Variants in SH2D4B observed in about 807,000 individuals in gnomAD.
SH2D4B encodes SH2 domain containing 4B, also known as SH2 domain-containing protein 4B.
In SH2D4B, 45 loss-of-function variants were observed where a neutral mutation model predicts 61.5. That is an observed-to-expected ratio of 0.73 (90% CI 0.58 to 0.94). SH2D4B has a LOEUF of 0.94. SH2D4B is among the 40% of genes least tolerant of loss of function. The pLI is 0.00. For synonymous variants in SH2D4B, 224 were observed against 220.4 expected (o/e 1.02, Z -0.14); for missense variants, 572 against 574.2 (o/e 1.00, Z 0.04).
At chr10:80,602,085 G>A (rs1842456391) in intron 4 of SH2D4B, among the ~76,000 whole-genome samples, 1 of 152,180 alleles carries the variant, frequency 6.6e-6, no homozygotes, top group South Asian at 2.1e-4. Context: ...CCAGGTCCCA[G>A]AACTCCCATT....
At chr10:80,599,278 A>C (rs565830246) in intron 4 of SH2D4B, among the ~76,000 whole-genome samples, 4 of 150,006 alleles carry the variant, frequency 2.7e-5, no homozygotes, top group African/African-American at 9.7e-5. Flanking sequence ...GGACAGCTGA[A>C]GGAGAAGACA....
At chr10:80,571,289 A>G in intron 2 of SH2D4B, 142 bp from the exon 3 acceptor site, 1 of 867,366 alleles carries the variant, frequency 1.2e-6, no homozygotes. Flanking sequence ...ATGCGTGAGA[A>G]TGCCTATTTC....
intron 7 of SH2D4B, among the ~76,000 whole-genome samples, chr10:80,635,701 C>G (rs1374266132): frequency 6.6e-6 from 1 of 152,206 alleles, no homozygotes; most frequent in Non-Finnish European, 1.5e-5. Flanking sequence ...TTGACACATT[C>G]TCTGTGTCAA....
At chr10:80,601,218 T>A (rs1043523638) in intron 4 of SH2D4B, among the ~76,000 whole-genome samples, 1 of 152,202 alleles carries the variant, frequency 6.6e-6, no homozygotes, top group African/African-American at 2.4e-5. Context: ...CTTTTCTTTC[T>A]CTGGAAAACT....
chr10:80,636,553 G>C (rs1457993021), intron 7 of SH2D4B, among the ~76,000 whole-genome samples: 1 of 152,210 alleles, frequency 6.6e-6, no homozygotes. Flanking sequence ...GACCAGTGAT[G>C]ATGAGCATTT....
rs1028953214 is a variant in SH2D4B, at chr10:80,608,261, T to C, written c.861-1163T>C. ...AAACAAAACCGCACATTGGTAACTA[T>C]GGATGGAATGGGTGAGGGACTGAAG... On this transcript the variant is annotated intron_variant, in intron 5 of 7. Coordinates refer to ENST00000646907, the MANE Select transcript of SH2D4B (RefSeq NM_001388272.1). Among the ~76,000 whole-genome samples the C allele has an allele frequency of 1.1e-4, 16 of 151,894 alleles. 2 individuals are homozygous for C. The highest frequency in any genetic ancestry group is 4.6e-4 in the Admixed American group (7 of 15,264).
intron 6 of SH2D4B, among the ~76,000 whole-genome samples, chr10:80,629,036 A>AAAAAAAG (rs142895629): frequency 0.016 from 2,330 of 144,782 alleles, 25 homozygotes; most frequent in African/African-American, 0.022. Flanking sequence ...TCTCAAAAAA[A>AAAAAAAG]AAAAAGAAAA....
intron 3 of SH2D4B, among the ~76,000 whole-genome samples, chr10:80,575,050 C>T (rs1220553855): frequency 1.3e-5 from 2 of 150,386 alleles, no homozygotes; most frequent in Non-Finnish European, 3.0e-5. Context: ...TATTTGGAAA[C>T]AGTATGTACC....
intron 1 of SH2D4B, among the ~76,000 whole-genome samples, chr10:80,546,964 C>G (rs1451529341): frequency 2.0e-5 from 3 of 152,146 alleles, no homozygotes; most frequent in Non-Finnish European, 4.4e-5. Context: ...TTGGTGTAAT[C>G]AAGGATGGTA....
At chr10:80,545,862 G>A (rs887654804) in intron 1 of SH2D4B, among the ~76,000 whole-genome samples, 30 of 152,158 alleles carry the variant, frequency 2.0e-4, no homozygotes, top group African/African-American at 7.2e-4. Context: ...CTCACTAAAA[G>A]TATAGAAATC....
At chr10:80,609,873 C>T (rs1265671020) in intron 6 of SH2D4B, among the ~76,000 whole-genome samples, 1 of 152,208 alleles carries the variant, frequency 6.6e-6, no homozygotes, top group African/African-American at 2.4e-5. Context: ...GCATGAGCTG[C>T]TGGTGGCTAG....
intron 6 of SH2D4B, among the ~76,000 whole-genome samples, chr10:80,632,473 T>A (rs1299621479): frequency 1.3e-5 from 2 of 152,290 alleles, no homozygotes; most frequent in South Asian, 4.1e-4. Flanking sequence ...TCGTATATAA[T>A]TTGACTGTAG....
chr10:80,546,034 TTCTC>T (rs1196253970), intron 1 of SH2D4B, among the ~76,000 whole-genome samples: 1 of 151,030 alleles, frequency 6.6e-6, no homozygotes, highest in Non-Finnish European at 1.5e-5. Context: ...CTTTCTTTCT[TTCTC>T]TCTCTTTCTT....
intron 4 of SH2D4B, among the ~76,000 whole-genome samples, chr10:80,597,977 A>C (rs917668659): frequency 6.6e-6 from 1 of 152,206 alleles, no homozygotes; most frequent in African/African-American, 2.4e-5. Flanking sequence ...TTCAGGATGA[A>C]AGAGGAGGCA....
At chr10:80,609,673 A>C in intron 6 of SH2D4B, 122 bp downstream of exon 6, 6 of 1,464,408 alleles carry the variant, frequency 4.1e-6, no homozygotes, top group Non-Finnish European at 5.6e-6. Context: ...AGCAATCTCC[A>C]TTCTGTCCCT....
At chr10:80,590,378 G>C (rs867142319) in intron 4 of SH2D4B, among the ~76,000 whole-genome samples, 1 of 152,276 alleles carries the variant, frequency 6.6e-6, no homozygotes, top group Middle Eastern at 3.4e-3. Context: ...TGCACTTGTG[G>C]GCAAGCCCTT....
intron 3 of SH2D4B, among the ~76,000 whole-genome samples, chr10:80,577,526 A>G (rs1227806710): frequency 6.6e-6 from 1 of 150,960 alleles, no homozygotes; most frequent in Non-Finnish European, 1.5e-5. Context: ...TCCCAGGTTC[A>G]TGCCATTCTC....
At chr10:80,610,904 C>T (rs1035242169) in intron 6 of SH2D4B, among the ~76,000 whole-genome samples, 1 of 152,182 alleles carries the variant, frequency 6.6e-6, no homozygotes, top group Non-Finnish European at 1.5e-5. Flanking sequence ...GGCGCAGTGG[C>T]TCACGCCTGT....
chr10:80,603,585 G>T lies in SH2D4B; in HGVS notation c.650G>T (p.Arg217Leu). 6.4e-7 allele frequency: 1 copy of T among 1,552,900 alleles called. No individual in the cohort carries two copies. Among genetic ancestry groups the T allele is most frequent in the Non-Finnish European group, 8.7e-7 (1 of 1,147,010 alleles). The change falls in exon 5 of 8, where the codon CGG (arginine) becomes CTG (leucine). Residue 217 changes from arginine to leucine, a missense_variant. By Grantham distance (102) the Arg-to-Leu change is moderately radical. Coordinates refer to ENST00000646907, the MANE Select transcript of SH2D4B (RefSeq NM_001388272.1). ...EEREWEEQLRRSKAADEERSR... is the reference protein window; with the variant it reads ...EEREWEEQLRLSKAADEERSR... Reference sequence around the variant, plus strand: ...GCTGTCTTCCTCTTTCCAGTGCGCCGGTCCAAGGCGGCTGATGAGGAGAGG... The same window carrying T: ...GCTGTCTTCCTCTTTCCAGTGCGCCTGTCCAAGGCGGCTGATGAGGAGAGG...
Sources: allele counts gnomAD v4.1 joint callset (sites outside exome capture counted in the v4.1 genomes callset), GRCh38; gene constraint gnomAD v4.1.1; transcripts MANE v1.5; gene names NCBI Gene and HGNC (gene_info 2026-07-23, HGNC 2026-07-21).